Variants in SND1 observed in about 807,000 individuals in gnomAD.
The protein encoded by SND1 is staphylococcal nuclease domain-containing protein 1.
SND1 carries 38 observed loss-of-function variants against 121.7 expected under a neutral mutation model. The observed-to-expected ratio is 0.31, with a 90% CI of 0.24 to 0.41. The LOEUF (loss-of-function observed/expected upper bound fraction) is 0.41, where lower values mean the gene tolerates loss of function less well. Among genes scored for constraint, SND1 ranks in the 10% least tolerant of loss-of-function variants. The pLI is 1.00. For synonymous variants in SND1, 401 were observed against 447.4 expected (o/e 0.90, Z 1.31); for missense variants, 868 against 1,184.6 (o/e 0.73, Z 3.92).
At chr7:127,886,848 G>T (rs1354180680) in intron 12 of SND1, among the ~76,000 whole-genome samples, 2 of 12,370 alleles carry the variant, frequency 1.6e-4, no homozygotes, top group Non-Finnish European at 3.5e-4. Context: ...TCTTATTCTG[G>T]CAAAAAAAAA....
intron 1 of SND1, among the ~76,000 whole-genome samples, chr7:127,677,935 T>C (rs1795643343): frequency 6.6e-6 from 1 of 152,220 alleles, no homozygotes; most frequent in Non-Finnish European, 1.5e-5. Flanking sequence ...TCTTTTGTAA[T>C]ATTGGACTCT....
chr7:128,035,646 G>A (rs1792737047), intron 16 of SND1, among the ~76,000 whole-genome samples: 1 of 152,172 alleles, frequency 6.6e-6, no homozygotes. Context: ...TTAAACCTGG[G>A]CCTTGAAGAT....
chr7:128,054,135 A>T (rs1005317240), intron 16 of SND1, among the ~76,000 whole-genome samples: 18 of 152,136 alleles, frequency 1.2e-4, no homozygotes, highest in African/African-American at 4.3e-4. Flanking sequence ...TGGTGGTCAG[A>T]TGGAGTGGCG....
chr7:127,968,835 C>T (rs1046490564), intron 15 of SND1, among the ~76,000 whole-genome samples: 2 of 152,134 alleles, frequency 1.3e-5, no homozygotes, highest in Non-Finnish European at 2.9e-5. Flanking sequence ...AAATCAAGGG[C>T]CCTGGCAGGG....
chr7:127,715,610 T>C (rs1006966335), intron 9 of SND1, among the ~76,000 whole-genome samples: 1 of 152,206 alleles, frequency 6.6e-6, no homozygotes, highest in African/African-American at 2.4e-5. Context: ...TGTTGAGTTT[T>C]AGGAGTTCTC....
At chr7:127,737,565 G>C (rs1796799274) in intron 10 of SND1, among the ~76,000 whole-genome samples, 3 of 152,158 alleles carry the variant, frequency 2.0e-5, no homozygotes, top group African/African-American at 7.2e-5. Flanking sequence ...ATAAGAATGA[G>C]ACTGTGTCTC....
rs369871687 is a variant in SND1, at chr7:127,708,944, CTT to C, written c.1038+1300_1038+1301del. Among the ~76,000 whole-genome samples, 141 of 152,338 alleles carry C rather than the reference CTT, an allele frequency of 9.3e-4. 1 individual carries two copies. The highest frequency in any genetic ancestry group is 3.4e-3 in the Middle Eastern group (1 of 294). The stretch of plus-strand genomic sequence containing the variant: ...GCACTGTGAGCCTGAGAAAGTCTGT[CTT>C]TTAAGCAACCTCTGAGGAACTGGCT... On this transcript the variant is annotated intron_variant, in intron 9 of 23. Coordinates refer to ENST00000354725, the MANE Select transcript of SND1 (RefSeq NM_014390.4).
chr7:127,953,233 G>A (rs962977917), intron 15 of SND1, among the ~76,000 whole-genome samples: 3 of 130,662 alleles, frequency 2.3e-5, no homozygotes, highest in Admixed American at 8.4e-5. Flanking sequence ...TGTATGAAAA[G>A]AAGAAAGCAT....
At position 128,022,671 on chromosome 7, in the gene SND1, G is replaced by A. The variant is rs115257272; in HGVS notation, c.1779+31615G>A. Among the ~76,000 whole-genome samples the A allele has an allele frequency of 5.0e-3, 765 of 152,080 alleles. 5 individuals carry two copies. Among genetic ancestry groups the A allele is most frequent in the African/African-American group, 0.018 (737 of 41,474 alleles). The stretch of plus-strand genomic sequence containing the variant: ...AATACTCTTTTTGTGGACAAATACC[G>A]AGTTGCTCCCTCTCTTCTCCCCAGC... On this transcript the variant is annotated intron_variant, in intron 16 of 23. Coordinates refer to ENST00000354725, the MANE Select transcript of SND1 (RefSeq NM_014390.4).
intron 12 of SND1, among the ~76,000 whole-genome samples, chr7:127,866,081 T>G (rs764680211): frequency 9.2e-5 from 14 of 152,132 alleles, no homozygotes; most frequent in Non-Finnish European, 1.5e-4. Context: ...ACCTAAGCAG[T>G]GGGCTAGACC....
chr7:127,813,859 G>A (rs926650819), intron 11 of SND1, among the ~76,000 whole-genome samples: 4 of 152,072 alleles, frequency 2.6e-5, no homozygotes, highest in African/African-American at 9.7e-5. Flanking sequence ...CACCACGCTC[G>A]GCCTTGAAGT....
At chr7:127,952,103 A>G (rs751675711) in intron 15 of SND1, among the ~76,000 whole-genome samples, 1 of 152,072 alleles carries the variant, frequency 6.6e-6, no homozygotes, top group Non-Finnish European at 1.5e-5. Context: ...AACTCCTTGA[A>G]GTTTTTGTGT....
At chr7:128,091,120 A>T (rs563157860) in intron 22 of SND1, among the ~76,000 whole-genome samples, 1 of 152,352 alleles carries the variant, frequency 6.6e-6, no homozygotes, top group South Asian at 2.1e-4. Flanking sequence ...CAATGAACAT[A>T]ATAAGTAAAT....
Position 127,694,910 on chromosome 7 carries a change from C to T in SND1, c.311C>T (p.Pro104Leu), listed in dbSNP as rs143030161. The T allele has an allele frequency of 8.6e-5, 138 of 1,613,634 alleles. No individual in the cohort carries two copies. Among genetic ancestry groups the T allele is most frequent in the Non-Finnish European group, 1.1e-4 (134 of 1,179,832 alleles). ...TGTTTCACGATAGAAAACAAGACTCCCCAGGGGCGAGAGTATGGCATGATC... is the reference window on the plus strand; with the variant it reads ...TGTTTCACGATAGAAAACAAGACTCTCCAGGGGCGAGAGTATGGCATGATC... ...EVCFTIENKTPQGREYGMIYL... is the reference protein window; with the variant it reads ...EVCFTIENKTLQGREYGMIYL... Residue 104 changes from proline to leucine, a missense_variant, in exon 3 of 24, where the codon CCC becomes CTC. Pro to Leu is a moderately conservative substitution (Grantham distance 98). Around this residue, in one of 2 missense-constraint regions of SND1, gnomAD observed 743 missense variants for 1,071.3 expected, o/e 0.69. Coordinates refer to ENST00000354725, the MANE Select transcript of SND1 (RefSeq NM_014390.4).
At chr7:128,047,564 G>C (rs1275492546) in intron 16 of SND1, among the ~76,000 whole-genome samples, 1 of 152,226 alleles carries the variant, frequency 6.6e-6, no homozygotes, top group African/African-American at 2.4e-5. Flanking sequence ...ATACAGAACA[G>C]TGTTGGTGAA....
Position 128,092,189 on chromosome 7 carries a change from T to C in SND1, c.*131T>C. 1.0e-6 allele frequency: 1 copy of C among 996,230 alleles called. No individual in the cohort carries two copies. The highest frequency in any genetic ancestry group is 1.5e-5 in the South Asian group (1 of 67,534). 61.7% of individuals were successfully genotyped at this position (996,230 alleles called of 1,614,324 possible). On this transcript the variant is annotated 3_prime_UTR_variant, in exon 24 of 24. Transcript: ENST00000354725. This position sits in a 1 kb window ranked among gnomAD's most constrained non-coding sequence, Gnocchi z 4.9. ...CCAGCTTTGCTTCAGTGTGTGGAAATGTCTCGTGGGGTGGCATCGGGGCTG... is the reference window on the plus strand; with the variant it reads ...CCAGCTTTGCTTCAGTGTGTGGAAACGTCTCGTGGGGTGGCATCGGGGCTG...
intron 16 of SND1, among the ~76,000 whole-genome samples, chr7:128,043,910 T>TA (rs1792902578): frequency 2.0e-5 from 3 of 151,478 alleles, no homozygotes; most frequent in South Asian, 2.1e-4. Flanking sequence ...TTGCAACACT[T>TA]AGAGTGTCTA....
At chr7:127,718,397 G>A (rs1796426244) in intron 9 of SND1, among the ~76,000 whole-genome samples, 1 of 152,148 alleles carries the variant, frequency 6.6e-6, no homozygotes, top group South Asian at 2.1e-4. Context: ...CCGATTCCAT[G>A]TCTCTGCTCA....
chr7:127,667,455 C>T (rs1795438215), intron 1 of SND1, among the ~76,000 whole-genome samples: 1 of 152,130 alleles, frequency 6.6e-6, no homozygotes, highest in Non-Finnish European at 1.5e-5. Context: ...TACTCAGGGG[C>T]ACAGTGATGG....
Sources: allele counts gnomAD v4.1 joint callset (sites outside exome capture counted in the v4.1 genomes callset), GRCh38; gene constraint gnomAD v4.1.1; regional missense constraint gnomAD v4.1.1; non-coding constraint Gnocchi (gnomAD v3.1); transcripts MANE v1.5; gene names NCBI Gene and HGNC (gene_info 2026-07-23, HGNC 2026-07-21).